Variants in CLDN10 observed in about 807,000 individuals in gnomAD.
The protein encoded by CLDN10 is claudin 10.
CLDN10 carries 15 observed loss-of-function variants against 22.9 expected under a neutral mutation model. The ratio of observed to expected loss-of-function variants is 0.65; its 90% CI spans 0.44 to 1.01. CLDN10 has a LOEUF of 1.01. Among genes scored for constraint, CLDN10 ranks in the 50% least tolerant of loss-of-function variants. The probability of loss-of-function intolerance (pLI) is 0.00; values close to 1 mark genes in which losing one functional copy is unlikely to be tolerated. For missense variants in CLDN10, 247 were observed against 287.8 expected (o/e 0.86, Z 1.03); for synonymous variants, 114 against 111.4 (o/e 1.02, Z -0.15).
chr13:95,540,690 G>A (rs1233333903), intron 1 of CLDN10, among the ~76,000 whole-genome samples: 1 of 152,118 alleles, frequency 6.6e-6, no homozygotes, highest in Non-Finnish European at 1.5e-5. Flanking sequence ...AATTCTTAAC[G>A]TTGGCTACTT....
chr13:95,498,534 A>G (rs866227879), intron 1 of CLDN10, among the ~76,000 whole-genome samples: 3 of 152,086 alleles, frequency 2.0e-5, no homozygotes, highest in African/African-American at 7.2e-5. Context: ...AGCTGGGACT[A>G]CAGGCACAAG....
chr13:95,457,196 G>C (rs2042490312), intron 1 of CLDN10, among the ~76,000 whole-genome samples: 1 of 152,012 alleles, frequency 6.6e-6, no homozygotes, highest in Admixed American at 6.6e-5. Context: ...GGCATATGGA[G>C]GCAGATCCAA....
At chr13:95,510,035 A>T (rs1005093331) in intron 1 of CLDN10, among the ~76,000 whole-genome samples, 1 of 152,156 alleles carries the variant, frequency 6.6e-6, no homozygotes, top group Non-Finnish European at 1.5e-5. Flanking sequence ...CAAAACTACC[A>T]ATGTGTTGTC....
At chr13:95,502,824 AGCATGTTTT>A (rs1417569055) in intron 1 of CLDN10, among the ~76,000 whole-genome samples, 5 of 152,202 alleles carry the variant, frequency 3.3e-5, no homozygotes, top group African/African-American at 9.6e-5. Flanking sequence ...CCCAACCGGC[AGCATGTTTT>A]AAGTGAGGGG....
At chr13:95,462,592 A>T (rs2042545210) in intron 1 of CLDN10, among the ~76,000 whole-genome samples, 1 of 152,194 alleles carries the variant, frequency 6.6e-6, no homozygotes, top group Admixed American at 6.5e-5. Context: ...AGATGCTGGA[A>T]GTGAGGAAAA....
At chr13:95,560,573 G>A (rs1227465094) in intron 3 of CLDN10, 110 bp downstream of exon 3, 1 of 797,738 alleles carries the variant, frequency 1.3e-6, no homozygotes. Context: ...AAGACATACT[G>A]ATAAATGGTA....
Position 95,578,005 on chromosome 13 carries a change from T to C in CLDN10, c.678T>C (p.Ala226=). 1 of 1,603,702 alleles carries C rather than the reference T, an allele frequency of 6.2e-7. No individual in the cohort carries two copies. The highest frequency in any genetic ancestry group is 8.5e-7 in the Non-Finnish European group (1 of 1,171,006). Residue 226 remains alanine (A), a synonymous_variant, in exon 5 of 5, where the codon GCT becomes GCC. Coordinates refer to ENST00000299339, the MANE Select transcript of CLDN10 (RefSeq NM_006984.5). ...TNPSKQFDKN[A]YV ...CTTCAAAACAGTTTGATAAAAATGC[T>C]TATGTCTAAAAGAGCTCGCTGGCAA...
At chr13:95,445,058 G>A (rs978168659) in intron 1 of CLDN10, among the ~76,000 whole-genome samples, 7 of 152,206 alleles carry the variant, frequency 4.6e-5, no homozygotes, top group African/African-American at 1.7e-4. Context: ...TTACAGGCAG[G>A]AGCCGCCACG....
chr13:95,540,301 A>AAAAT (rs57019843), intron 1 of CLDN10, among the ~76,000 whole-genome samples: 5,407 of 142,744 alleles, frequency 0.038, 148 homozygotes, highest in East Asian at 0.12. Context: ...CTCTGTCTCA[A>AAAAT]AAATAAATAA....
At chr13:95,471,686 A>G (rs1354625302) in intron 1 of CLDN10, among the ~76,000 whole-genome samples, 1 of 151,952 alleles carries the variant, frequency 6.6e-6, no homozygotes, top group Admixed American at 6.6e-5. Context: ...TCCTGACATC[A>G]GGTGATCCAC....
chr13:95,534,180 C>T (rs2138611377), intron 1 of CLDN10, among the ~76,000 whole-genome samples: 1 of 152,198 alleles, frequency 6.6e-6, no homozygotes, highest in African/African-American at 2.4e-5. Flanking sequence ...CATTATATCC[C>T]CAGCAATTTA....
chr13:95,561,890 C>T (rs1263341366), intron 3 of CLDN10, among the ~76,000 whole-genome samples: 6 of 151,374 alleles, frequency 4.0e-5, no homozygotes, highest in Admixed American at 6.6e-5. Flanking sequence ...CTCAGCCCCC[C>T]GAGTAGCTGG....
intron 1 of CLDN10, among the ~76,000 whole-genome samples, chr13:95,513,767 A>G (rs2043131923): frequency 6.9e-6 from 1 of 145,650 alleles, no homozygotes; most frequent in Non-Finnish European, 1.6e-5. Flanking sequence ...TGGAATTTTC[A>G]CTGTAATCTC....
chr13:95,563,026 C>T (rs556523693), intron 3 of CLDN10, among the ~76,000 whole-genome samples: 32 of 152,060 alleles, frequency 2.1e-4, no homozygotes, highest in African/African-American at 7.7e-4. Context: ...TTTTCAACCT[C>T]TTGGTGCTAC....
At chr13:95,500,443 C>T (rs2042973481) in intron 1 of CLDN10, among the ~76,000 whole-genome samples, 1 of 152,122 alleles carries the variant, frequency 6.6e-6, no homozygotes, top group Non-Finnish European at 1.5e-5. Flanking sequence ...AAGAGTGAGC[C>T]TCAAATGGGA....
At chr13:95,434,140 C>T in intron 1 of CLDN10, 1 of 1,107,784 alleles carries the variant, frequency 9.0e-7, no homozygotes, top group Non-Finnish European at 1.3e-6. Flanking sequence ...TGTTAACTCT[C>T]TGAAGACTGA....
At chr13:95,552,658 G>A, upstream of CLDN10, 3 of 1,388,328 alleles carry the variant, frequency 2.2e-6, no homozygotes, top group Admixed American at 2.8e-5. Context: ...GACGGTGGGC[G>A]GAGGCGGAGG....
At chr13:95,524,338 C>T (rs1566316515) in intron 1 of CLDN10, among the ~76,000 whole-genome samples, 1 of 152,200 alleles carries the variant, frequency 6.6e-6, no homozygotes, top group South Asian at 2.1e-4. Flanking sequence ...TAAAATTTAC[C>T]ACTTTAAAGT....
intron 1 of CLDN10, among the ~76,000 whole-genome samples, chr13:95,536,053 T>C (rs1218223152): frequency 6.6e-6 from 1 of 152,014 alleles, no homozygotes; most frequent in African/African-American, 2.4e-5. Context: ...AGATGGGTGG[T>C]GGACAGAGAG....
Sources: allele counts gnomAD v4.1 joint callset (sites outside exome capture counted in the v4.1 genomes callset), GRCh38; gene constraint gnomAD v4.1.1; transcripts MANE v1.5; gene names NCBI Gene and HGNC (gene_info 2026-07-23, HGNC 2026-07-21).